The following CDC42BPA variants were observed in gnomAD, a reference collection of about 807,000 sequenced individuals.
CDC42BPA encodes CDC42 binding protein kinase alpha.
In CDC42BPA, 80 loss-of-function variants were observed where a neutral mutation model predicts 223.5. That is an observed-to-expected ratio of 0.36 (90% confidence interval 0.30 to 0.43). The LOEUF is 0.43. Ranked by LOEUF, CDC42BPA falls within the 20% of genes least tolerant of loss-of-function variation. The pLI, the probability that CDC42BPA is intolerant of heterozygous loss-of-function variation, is 1.00. For missense variants in CDC42BPA, 1,743 were observed against 2,099.9 expected, an observed-to-expected ratio of 0.83 and a Z score of 3.32; for synonymous variants, 694 against 718.6, an observed-to-expected ratio of 0.97 and a Z score of 0.55.
chr1:227,311,888 T>TAC (rs1012202760), intron 1 of CDC42BPA, among the ~76,000 whole-genome samples: 1 of 149,752 alleles, frequency 6.7e-6, no homozygotes, highest in Non-Finnish European at 1.5e-5. Flanking sequence ...ATCTTGCCCA[T>TAC]ACCTTACACT....
In CDC42BPA at chr1:227,134,783, G is replaced by T. The variant is rs563511911; in HGVS notation, c.1390+4793C>A. ...TTTGTTCACTTTGCTCTGTGCAAAC[G>T]ATACTACACATGTAAAAATACCAAG... On this transcript the variant is annotated intron_variant, in intron 10 of 36. Transcript: ENST00000366766. Among the ~76,000 whole-genome samples the T allele has an allele frequency of 2.3e-3, 349 of 152,056 alleles. 1 individual carries two copies. The highest frequency in any genetic ancestry group is 7.3e-3 in the African/African-American group (303 of 41,448).
At chr1:227,043,305 C>T (rs1008004607) in intron 23 of CDC42BPA, among the ~76,000 whole-genome samples, 2 of 151,240 alleles carry the variant, frequency 1.3e-5, no homozygotes, top group Non-Finnish European at 2.9e-5. Context: ...CCCAGCTACT[C>T]GGGAGGCTGA....
chr1:227,193,746 A>ATGGTAACTCACAGCC, intron 5 of CDC42BPA, 40 bp downstream of exon 5: 1 of 1,493,664 alleles, frequency 6.7e-7, no homozygotes, highest in Non-Finnish European at 9.0e-7. Flanking sequence ...TAGATATTAC[A>ATGGTAACTCACAGCC]TGGTAACTCA....
At chr1:227,162,966 G>A (rs114420915) in intron 5 of CDC42BPA, among the ~76,000 whole-genome samples, 6 of 93,026 alleles carry the variant, frequency 6.4e-5, no homozygotes, top group Non-Finnish European at 1.1e-4. Context: ...GTTTCCAAAC[G>A]TGTGTATGTT....
intron 1 of CDC42BPA, among the ~76,000 whole-genome samples, chr1:227,310,658 C>T (rs975927504): frequency 1.3e-5 from 2 of 151,486 alleles, no homozygotes; most frequent in Non-Finnish European, 2.9e-5. Flanking sequence ...AGGAAGTCCC[C>T]CAGATTTGGA....
At chr1:227,224,227 G>A (rs1026886024) in intron 2 of CDC42BPA, among the ~76,000 whole-genome samples, 2 of 143,306 alleles carry the variant, frequency 1.4e-5, no homozygotes, top group Admixed American at 7.1e-5. Flanking sequence ...CCCAAGTGAT[G>A]TTTCTTCCTT....
intron 21 of CDC42BPA, among the ~76,000 whole-genome samples, chr1:227,055,005 G>C (rs1306571073): frequency 6.6e-6 from 1 of 151,840 alleles, no homozygotes; most frequent in East Asian, 1.9e-4. Context: ...ATATTAAAAA[G>C]TTGAACTATG....
chr1:227,140,982 G>T (rs1659561276), intron 9 of CDC42BPA, among the ~76,000 whole-genome samples: 1 of 151,376 alleles, frequency 6.6e-6, no homozygotes, highest in African/African-American at 2.4e-5. Flanking sequence ...TATGGAGACT[G>T]AGAAGGAATG....
intron 21 of CDC42BPA, among the ~76,000 whole-genome samples, chr1:227,066,207 G>A (rs1677031344): frequency 6.6e-6 from 1 of 152,102 alleles, no homozygotes; most frequent in Non-Finnish European, 1.5e-5. Flanking sequence ...TGGCCAACAT[G>A]GTGAAAGCCC....
chr1:227,208,730 C>T (rs1673299779), intron 3 of CDC42BPA, among the ~76,000 whole-genome samples: 1 of 151,872 alleles, frequency 6.6e-6, no homozygotes, highest in Admixed American at 6.6e-5. Context: ...TGTTTTGGTA[C>T]CAGTACCATG....
At chr1:227,177,495 C>T (rs1667172531) in intron 5 of CDC42BPA, among the ~76,000 whole-genome samples, 1 of 151,908 alleles carries the variant, frequency 6.6e-6, no homozygotes, top group Non-Finnish European at 1.5e-5. Flanking sequence ...ATGTGATATA[C>T]TGTTTTCCTC....
intron 24 of CDC42BPA, among the ~76,000 whole-genome samples, chr1:227,035,946 C>T (rs1342879189): frequency 1.3e-5 from 2 of 152,136 alleles, no homozygotes; most frequent in African/African-American, 4.8e-5. Context: ...TGCTCTTCAT[C>T]CCACTGCAAC....
intron 7 of CDC42BPA, 119 bp downstream of exon 7, chr1:227,147,240 C>G: frequency 3.1e-6 from 2 of 647,092 alleles, no homozygotes; most frequent in Non-Finnish European, 5.2e-6. Flanking sequence ...TGTCCTGTCC[C>G]ATACTAGGAT....
chr1:227,087,566 GC>G (rs781393688), intron 16 of CDC42BPA, among the ~76,000 whole-genome samples: 55 of 152,236 alleles, frequency 3.6e-4, no homozygotes, highest in Non-Finnish European at 7.4e-4. Context: ...CCAACAAAAA[GC>G]CTACCAGAAT....
intron 1 of CDC42BPA, among the ~76,000 whole-genome samples, chr1:227,286,661 TG>T: frequency 6.6e-6 from 1 of 152,198 alleles, no homozygotes; most frequent in East Asian, 1.9e-4. Context: ...ACCAATTTTC[TG>T]TATTAGTGTA....
At chr1:227,229,270 C>A (rs938707387) in intron 2 of CDC42BPA, among the ~76,000 whole-genome samples, 1 of 152,140 alleles carries the variant, frequency 6.6e-6, no homozygotes, top group Non-Finnish European at 1.5e-5. Flanking sequence ...GGAAAAAAAA[C>A]TGTTTTACCT....
intron 32 of CDC42BPA, among the ~76,000 whole-genome samples, chr1:227,017,458 A>T (rs1572269448): frequency 1.1e-5 from 1 of 93,570 alleles, no homozygotes; most frequent in Non-Finnish European, 2.5e-5. Flanking sequence ...AACAGTAATC[A>T]GGCATAAATG....
intron 27 of CDC42BPA, among the ~76,000 whole-genome samples, chr1:227,031,791 T>TAAA (rs1553306029): frequency 1.4e-5 from 2 of 146,154 alleles, no homozygotes; most frequent in African/African-American, 5.3e-5. Context: ...GCATTAAATA[T>TAAA]ATAACAACAA....
chr1:227,072,705 T>C (rs918979551), intron 19 of CDC42BPA, among the ~76,000 whole-genome samples: 1 of 152,052 alleles, frequency 6.6e-6, no homozygotes, highest in Non-Finnish European at 1.5e-5. Flanking sequence ...TTAGATATTA[T>C]ACCATTACAG....
Sources: allele counts gnomAD v4.1 joint callset (sites outside exome capture counted in the v4.1 genomes callset), GRCh38; gene constraint gnomAD v4.1.1; transcripts MANE v1.5; gene names NCBI Gene and HGNC (gene_info 2026-07-23, HGNC 2026-07-21).